DCC: variants seen among roughly 807,000 people sequenced by gnomAD.
DCC encodes netrin receptor DCC.
Under a neutral mutation model 172.5 loss-of-function variants are expected in DCC, and 58 were observed. The ratio of observed to expected loss-of-function variants is 0.34; its 90% CI spans 0.27 to 0.42. The LOEUF is 0.42. DCC is among the 10% of genes least tolerant of loss of function. The probability of loss-of-function intolerance (pLI) is 1.00; values close to 1 mark genes in which losing one functional copy is unlikely to be tolerated. For missense variants in DCC, 1,740 were observed against 1,791.0 expected, an observed-to-expected ratio of 0.97 and a Z score of 0.51; for synonymous variants, 709 against 644.5, an observed-to-expected ratio of 1.10 and a Z score of -1.52.
chr18:53,452,381 T>TC (rs576209938), intron 23 of DCC, among the ~76,000 whole-genome samples: 9 of 151,862 alleles, frequency 5.9e-5, no homozygotes, highest in Admixed American at 1.3e-4. Context: ...TGATTTGGGT[T>TC]CCCCCCCGCC....
At chr18:53,151,865 A>C (rs1333555334) in intron 7 of DCC, among the ~76,000 whole-genome samples, 2 of 152,170 alleles carry the variant, frequency 1.3e-5, no homozygotes, top group African/African-American at 4.8e-5. Context: ...AATTATACAC[A>C]ACCATGCTTC....
At chr18:52,503,936 G>T (rs745468459) in intron 1 of DCC, among the ~76,000 whole-genome samples, 3 of 152,086 alleles carry the variant, frequency 2.0e-5, no homozygotes, top group Non-Finnish European at 2.9e-5. Context: ...GGGAAATAGA[G>T]AACTCTTTAG....
intron 7 of DCC, among the ~76,000 whole-genome samples, chr18:53,068,795 GTGTA>G (rs1421788932): frequency 1.6e-3 from 238 of 151,002 alleles, no homozygotes; most frequent in African/African-American, 5.5e-3. Flanking sequence ...GTGTGTGTGT[GTGTA>G]TGTGTATGTG....
intron 1 of DCC, among the ~76,000 whole-genome samples, chr18:52,681,225 T>G (rs1490388554): frequency 6.6e-6 from 1 of 152,090 alleles, no homozygotes; most frequent in Non-Finnish European, 1.5e-5. Flanking sequence ...GAACTGGATG[T>G]CTATTCCAGG....
intron 12 of DCC, among the ~76,000 whole-genome samples, chr18:53,221,487 C>T (rs2055931953): frequency 6.6e-6 from 1 of 152,040 alleles, no homozygotes; most frequent in South Asian, 2.1e-4. Context: ...GTTTTCTTAC[C>T]CAACTGTGAG....
rs369812330 is a variant in DCC, at chr18:52,670,368, G to C, written c.92-81686G>C. ...AATGAAGATGGACTTAAGTGACTCAGTCCTAAATGAAATCAGGATATGTCT... is the reference window on the plus strand; with the variant it reads ...AATGAAGATGGACTTAAGTGACTCACTCCTAAATGAAATCAGGATATGTCT... On this transcript the variant is annotated intron_variant, in intron 1 of 28. Coordinates refer to ENST00000442544, the MANE Select transcript of DCC (RefSeq NM_005215.4). 6.4e-4 allele frequency among the ~76,000 whole-genome samples: 98 copies of C among 152,304 alleles called. No homozygotes were observed. In the South Asian group the frequency reaches 9.5e-3, roughly 15 times the overall value.
chr18:52,602,369 A>G (rs970169427), intron 1 of DCC, among the ~76,000 whole-genome samples: 16 of 148,816 alleles, frequency 1.1e-4, no homozygotes, highest in Non-Finnish European at 2.1e-4. Context: ...AATTTTCTCA[A>G]ATGTTTGTGT....
chr18:52,498,018 G>T (rs2030868681), intron 1 of DCC, among the ~76,000 whole-genome samples: 2 of 152,172 alleles, frequency 1.3e-5, no homozygotes, highest in South Asian at 2.1e-4. Context: ...AACAGCACCA[G>T]AGACAATACA....
chr18:53,262,172 C>T (rs528096368), intron 12 of DCC, among the ~76,000 whole-genome samples: 29 of 152,302 alleles, frequency 1.9e-4, no homozygotes, highest in African/African-American at 7.0e-4. Context: ...GGCAGATTAG[C>T]TTCCAAGACA....
At chr18:53,271,499 G>C (rs1227567087) in intron 12 of DCC, among the ~76,000 whole-genome samples, 1 of 152,112 alleles carries the variant, frequency 6.6e-6, no homozygotes, top group Non-Finnish European at 1.5e-5. Flanking sequence ...AGTTTGACTG[G>C]GGAAGGTCTG....
intron 1 of DCC, among the ~76,000 whole-genome samples, chr18:52,600,111 T>G (rs1439487201): frequency 6.6e-6 from 1 of 152,238 alleles, no homozygotes; most frequent in Non-Finnish European, 1.5e-5. Flanking sequence ...TATAATTTAT[T>G]ATTTTCCTTG....
At chr18:52,609,057 C>A (rs1285038533) in intron 1 of DCC, among the ~76,000 whole-genome samples, 2 of 152,268 alleles carry the variant, frequency 1.3e-5, no homozygotes, top group East Asian at 3.9e-4. Flanking sequence ...TGAATCCAGG[C>A]TCACACAGAT....
At chr18:52,439,174 T>TGTGTGTG (rs1987893263) in intron 1 of DCC, among the ~76,000 whole-genome samples, 3 of 144,746 alleles carry the variant, frequency 2.1e-5, no homozygotes, top group Admixed American at 1.4e-4. Context: ...AAGATATGTT[T>TGTGTGTG]TGTGTGTGTG....
intron 1 of DCC, among the ~76,000 whole-genome samples, chr18:52,460,210 A>C (rs201605217): frequency 2.0e-5 from 3 of 151,894 alleles, no homozygotes; most frequent in South Asian, 4.2e-4. Context: ...TTTCTAACTC[A>C]TTTCTTTTGA....
intron 27 of DCC, among the ~76,000 whole-genome samples, chr18:53,505,889 T>C (rs2046168254): frequency 6.6e-6 from 1 of 152,214 alleles, no homozygotes; most frequent in African/African-American, 2.4e-5. Context: ...ATGGGTCACA[T>C]GGTTAACTAC....
chr18:52,922,733 T>C lies in DCC; in HGVS notation c.698-974T>C, dbSNP rs192851265. Reference sequence around the variant, plus strand: ...TCTGGTCAGAGGATGTTGCCATGGGTAGAACACCCTCCTCCAAGGACTGGT... The same window carrying C: ...TCTGGTCAGAGGATGTTGCCATGGGCAGAACACCCTCCTCCAAGGACTGGT... On this transcript the variant is annotated intron_variant, in intron 3 of 28. Coordinates refer to ENST00000442544, the MANE Select transcript of DCC (RefSeq NM_005215.4). Among the ~76,000 whole-genome samples the C allele has an allele frequency of 3.7e-3, 562 of 152,260 alleles. 1 individual carries two copies. The highest frequency in any genetic ancestry group is 0.013 in the African/African-American group (538 of 41,562).
chr18:52,773,980 G>T (rs553588186), intron 2 of DCC, among the ~76,000 whole-genome samples: 1 of 152,180 alleles, frequency 6.6e-6, no homozygotes, highest in Non-Finnish European at 1.5e-5. Context: ...AATTTCCACA[G>T]GTGGTTGTTA....
At chr18:53,097,773 T>G (rs1458417828) in intron 7 of DCC, among the ~76,000 whole-genome samples, 1 of 152,174 alleles carries the variant, frequency 6.6e-6, no homozygotes, top group Non-Finnish European at 1.5e-5. Flanking sequence ...GGCCACCTTC[T>G]TACTGTGTCT....
At chr18:52,699,763 CT>C (rs1291967670) in intron 1 of DCC, among the ~76,000 whole-genome samples, 2 of 151,754 alleles carry the variant, frequency 1.3e-5, no homozygotes, top group African/African-American at 4.8e-5. Flanking sequence ...TAGGATATTA[CT>C]TTTTTTTTCT....
Sources: allele counts gnomAD v4.1 joint callset (sites outside exome capture counted in the v4.1 genomes callset), GRCh38; gene constraint gnomAD v4.1.1; transcripts MANE v1.5; gene names NCBI Gene and HGNC (gene_info 2026-07-23, HGNC 2026-07-21).